The following FAM20C variants were observed in gnomAD, a reference collection of about 807,000 sequenced individuals.
FAM20C encodes the protein extracellular serine/threonine protein kinase FAM20C.
In FAM20C, 40 loss-of-function variants were observed where a neutral mutation model predicts 51.5. The observed-to-expected ratio is 0.78, with a 90% confidence interval of 0.60 to 1.01. FAM20C has a LOEUF of 1.01. Ranked by LOEUF, FAM20C falls within the 50% of genes least tolerant of loss-of-function variation. FAM20C has a pLI of 0.00. For missense variants in FAM20C, 861 were observed against 844.7 expected (o/e 1.02, Z -0.24); for synonymous variants, 406 against 380.6 (o/e 1.07, Z -0.78).
At chr7:259,564 C>CAT (rs1788796926) in intron 9 of FAM20C, among the ~76,000 whole-genome samples, 167 bp from the exon 10 acceptor site, 1 of 150,114 alleles carries the variant, frequency 6.7e-6, no homozygotes, top group African/African-American at 2.5e-5. Context: ...CTCTGTGTCT[C>CAT]TCTTTCTCTG....
intron 3 of FAM20C, chr7:229,070 GGGGCCACTCTA>G: frequency 2.9e-6 from 1 of 342,052 alleles, no homozygotes; most frequent in South Asian, 2.2e-5. Context: ...CAGCCCCACG[GGGGCCACTCTA>G]GGACCAGAAG....
At chr7:246,339 G>T in intron 3 of FAM20C, 76 bp from the exon 4 acceptor site, 2 of 1,243,262 alleles carry the variant, frequency 1.6e-6, no homozygotes, top group Non-Finnish European at 2.3e-6. Flanking sequence ...GAGGAACCCA[G>T]CACGTCCCGC....
At position 207,187 on chromosome 7, in the gene FAM20C, G is replaced by T. The variant is rs369893697; in HGVS notation, c.785-1711G>T. ...GTATCCACTGTGAGGCGTCGGTCAC[G>T]GTCCCCTCGGCCCCGCACACGTATC... On this transcript the variant is annotated intron_variant, in intron 2 of 9. Coordinates refer to ENST00000313766, the MANE Select transcript of FAM20C (RefSeq NM_020223.4). Among the ~76,000 whole-genome samples, 27 of 8,114 alleles carry T rather than the reference G, an allele frequency of 3.3e-3. 6 individuals carry two copies. Among genetic ancestry groups the T allele is most frequent in the African/African-American group, 7.4e-3 (6 of 806 alleles). The allele number at this position is 8,114 out of a possible 152,430, so 5.3% of individuals were successfully genotyped here. A position where few individuals can be genotyped will look rare whatever the true frequency, so the allele number is the denominator to read the frequency against.
In FAM20C at chr7:258,522, T is replaced by G. The variant is rs560122309; in HGVS notation, c.1446-124T>G. 6,368 of 858,022 alleles carry G rather than the reference T, an allele frequency of 7.4e-3. 80 individuals are homozygous for G. The highest frequency in any genetic ancestry group is 0.011 in the Admixed American group (498 of 44,886). 53.2% of individuals were successfully genotyped at this position (858,022 alleles called of 1,614,324 possible). ...ACTGCCCGGGGTGCTGGAGATGGGC[T>G]GGGTGGACCCACTGCCTGGGGTGTC... On this transcript the variant is annotated intron_variant, in intron 8 of 9. Coordinates refer to ENST00000313766, the MANE Select transcript of FAM20C (RefSeq NM_020223.4).
chr7:233,277 T>C (rs1787753047), intron 3 of FAM20C, among the ~76,000 whole-genome samples: 1 of 152,186 alleles, frequency 6.6e-6, no homozygotes, highest in African/African-American at 2.4e-5. Flanking sequence ...GATCATTCTG[T>C]GTGGTTTTCT....
intron 3 of FAM20C, among the ~76,000 whole-genome samples, chr7:230,278 C>G (rs763740060): frequency 9.5e-5 from 14 of 147,586 alleles, no homozygotes; most frequent in Non-Finnish European, 1.8e-4. Flanking sequence ...GCCCCCAGAG[C>G]TGGGAGAGGC....
chr7:246,537 G>T lies in FAM20C; in HGVS notation c.956+30G>T, dbSNP rs577419312. ...GCCCTTCCTTCCTCCCTCCATCCGC[G>T]CTCCCGTGCGCTCAGACCCACCGGT... On this transcript the variant is annotated intron_variant, in intron 4 of 9. Coordinates refer to ENST00000313766, the MANE Select transcript of FAM20C (RefSeq NM_020223.4). 37 of 1,459,652 alleles carry T rather than the reference G, an allele frequency of 2.5e-5. No individual in the cohort carries two copies. In the South Asian group the frequency reaches 3.1e-4, roughly 12 times the overall value. The allele number at this position is 1,459,652 out of a possible 1,614,324, so 90.4% of individuals were successfully genotyped here. A position where few individuals can be genotyped will look rare whatever the true frequency, so the allele number is the denominator to read the frequency against.
intron 3 of FAM20C, among the ~76,000 whole-genome samples, chr7:240,796 A>G (rs1050412963): frequency 3.3e-5 from 5 of 151,984 alleles, no homozygotes; most frequent in African/African-American, 7.3e-5. Context: ...AGCACTCCTT[A>G]GGGAAGAGCC....
chr7:195,130 G>A (rs924800750), intron 1 of FAM20C: 1 of 169,722 alleles, frequency 5.9e-6, no homozygotes, highest in African/African-American at 2.4e-5. Flanking sequence ...GTGTCTGTGA[G>A]TTTCATGCAG....
In FAM20C at chr7:259,134, T is replaced by C. The variant is rs148358169; in HGVS notation, c.1505+429T>C. Among the ~76,000 whole-genome samples, 870 of 152,346 alleles carry C rather than the reference T, an allele frequency of 5.7e-3. 30 individuals carry two copies. The East Asian group carries it at 0.061, about 11-fold the overall frequency. On this transcript the variant is annotated intron_variant, in intron 9 of 9. Coordinates refer to ENST00000313766, the MANE Select transcript of FAM20C (RefSeq NM_020223.4). ...GCAGGGCAAACGCTTTGTACTTCTC[T>C]AAGGAGGCATCACAGCGCCCGTGTT...
intron 3 of FAM20C, among the ~76,000 whole-genome samples, chr7:218,488 G>A (rs1309909132): frequency 3.3e-5 from 5 of 152,180 alleles, no homozygotes; most frequent in Non-Finnish European, 7.3e-5. Flanking sequence ...GGCCCAGCCG[G>A]GGAGCTGAAG....
intron 3 of FAM20C, among the ~76,000 whole-genome samples, chr7:232,989 C>T (rs1181677409): frequency 2.0e-5 from 3 of 152,248 alleles, no homozygotes; most frequent in Non-Finnish European, 2.9e-5. Context: ...ACGTTCGGAA[C>T]AGCAGGAGCT....
chr7:244,902 AGAAACGTT>A (rs1239476210), intron 3 of FAM20C, among the ~76,000 whole-genome samples: 52 of 152,340 alleles, frequency 3.4e-4, no homozygotes, highest in African/African-American at 1.3e-3. Context: ...ACCCCCCATA[AGAAACGTT>A]CCGGGAACAC....
Position 258,393 on chromosome 7 carries a change from C to G in FAM20C, c.1446-253C>G, listed in dbSNP as rs1441784749. On this transcript the variant is annotated intron_variant, in intron 8 of 9. Transcript: ENST00000313766. ...GGAGATGGGCAGGGTGGACCCACTG[C>G]CCGGGATGCTGGAGATGGGTGGGGT... Among the ~76,000 whole-genome samples, 9 of 106,598 alleles carry G rather than the reference C, an allele frequency of 8.4e-5. 4 individuals carry two copies. The highest frequency in any genetic ancestry group is 2.0e-4 in the Non-Finnish European group (9 of 45,602). The allele number at this position is 106,598 out of a possible 152,430, so 69.9% of individuals were successfully genotyped here.
chr7:199,521 T>C (rs1786034317), intron 2 of FAM20C, among the ~76,000 whole-genome samples: 1 of 152,224 alleles, frequency 6.6e-6, no homozygotes, highest in East Asian at 1.9e-4. Context: ...TTCATCTTAC[T>C]ATTAAACGTG....
intron 3 of FAM20C, among the ~76,000 whole-genome samples, chr7:243,906 G>A (rs1325786640): frequency 6.7e-6 from 1 of 148,402 alleles, no homozygotes; most frequent in Admixed American, 6.8e-5. Flanking sequence ...AGTAGCTGAG[G>A]ATTTTCTAAA....
At chr7:201,187 T>C (rs1290128135) in intron 2 of FAM20C, among the ~76,000 whole-genome samples, 1 of 152,136 alleles carries the variant, frequency 6.6e-6, no homozygotes, top group Non-Finnish European at 1.5e-5. Context: ...TAACTGACCC[T>C]TGAGGCCAGA....
At chr7:257,214 G>C in intron 8 of FAM20C, 128 bp downstream of exon 8, 1 of 963,384 alleles carries the variant, frequency 1.0e-6, no homozygotes, top group South Asian at 1.6e-5. Flanking sequence ...TGTCGCAAAG[G>C]CCCATCTCAG....
At chr7:241,734 C>G (rs1442439672) in intron 3 of FAM20C, among the ~76,000 whole-genome samples, 3 of 151,460 alleles carry the variant, frequency 2.0e-5, no homozygotes, top group Non-Finnish European at 4.4e-5. Context: ...TGTGAGCGCC[C>G]GTGTGTGTGT....
Sources: gnomAD v4.1 joint callset for allele counts (sites outside exome capture counted in the v4.1 genomes callset) on GRCh38, gnomAD v4.1.1 for gene constraint, MANE v1.5 for transcripts, NCBI Gene and HGNC (gene_info 2026-07-23, HGNC 2026-07-21) for gene names.